The following TOP6BL variants were observed in gnomAD, a reference collection of about 807,000 sequenced individuals.
The protein encoded by TOP6BL is type 2 DNA topoisomerase 6 subunit B-like.
chr11:66,833,018 C>T, the TOP6BL span, among the ~76,000 whole-genome samples: 2 of 150,542 alleles, frequency 1.3e-5, no homozygotes, highest in Non-Finnish European at 3.0e-5. Flanking sequence ...TTGCTTTCTC[C>T]CTGTCTCTCA....
the TOP6BL span, among the ~76,000 whole-genome samples, chr11:66,819,680 TC>T: frequency 6.6e-6 from 1 of 151,934 alleles, no homozygotes; most frequent in Non-Finnish European, 1.5e-5. Flanking sequence ...GGCGGGCGGA[TC>T]ACACTGAGGT....
At chr11:66,773,631 G>A in the TOP6BL span, among the ~76,000 whole-genome samples, 3 of 151,914 alleles carry the variant, frequency 2.0e-5, no homozygotes, top group Non-Finnish European at 2.9e-5. Context: ...TCTTTTGCTC[G>A]TTTGGGGTCT....
the TOP6BL span, among the ~76,000 whole-genome samples, chr11:66,784,518 G>A: frequency 6.6e-6 from 1 of 152,288 alleles, no homozygotes; most frequent in African/African-American, 2.4e-5. Context: ...AAAAGAAACC[G>A]TGTACTCATT....
At chr11:66,757,341 A>AAAAAT in the TOP6BL span, among the ~76,000 whole-genome samples, 1 of 152,094 alleles carries the variant, frequency 6.6e-6, no homozygotes, top group Non-Finnish European at 1.5e-5. Flanking sequence ...TGTCTCAGTG[A>AAAAAT]AAAATAAAAT....
the TOP6BL span, among the ~76,000 whole-genome samples, chr11:66,752,819 A>G: frequency 6.6e-6 from 1 of 152,148 alleles, no homozygotes; most frequent in African/African-American, 2.4e-5. Context: ...GGTAGGTGCT[A>G]TAACAAACCC....
At chr11:66,776,081 CAG>C in the TOP6BL span, among the ~76,000 whole-genome samples, 1 of 150,670 alleles carries the variant, frequency 6.6e-6, no homozygotes, top group Admixed American at 6.6e-5. Flanking sequence ...TTTTTTGAGA[CAG>C]AGTCTCACTC....
the TOP6BL span, among the ~76,000 whole-genome samples, chr11:66,838,758 TCTCAC>T: frequency 6.6e-6 from 1 of 151,624 alleles, no homozygotes; most frequent in East Asian, 1.9e-4. Flanking sequence ...TGAGACAGAG[TCTCAC>T]CTCTGTCGCC....
At chr11:66,773,424 G>A in the TOP6BL span, among the ~76,000 whole-genome samples, 67 of 151,872 alleles carry the variant, frequency 4.4e-4, no homozygotes, top group Non-Finnish European at 2.2e-4. Flanking sequence ...TAAGTTATTG[G>A]GTTATTGACA....
At chr11:66,796,243 G>A in the TOP6BL span, 8 of 1,409,726 alleles carry the variant, frequency 5.7e-6, no homozygotes, top group African/African-American at 7.0e-5. Flanking sequence ...TCTTGAGATT[G>A]TGTATGTGTG....
chr11:66,774,956 T>C, the TOP6BL span, among the ~76,000 whole-genome samples: 1 of 151,390 alleles, frequency 6.6e-6, no homozygotes, highest in Non-Finnish European at 1.5e-5. Context: ...CTACTCAAAA[T>C]GCAAAAATTA....
the TOP6BL span, among the ~76,000 whole-genome samples, chr11:66,813,174 T>A: frequency 1.3e-5 from 2 of 152,230 alleles, no homozygotes; most frequent in Non-Finnish European, 2.9e-5. Context: ...GGCTTTTATG[T>A]CTGTCTCCCA....
chr11:66,799,949 C>A, the TOP6BL span, among the ~76,000 whole-genome samples: 1 of 151,850 alleles, frequency 6.6e-6, no homozygotes, highest in South Asian at 2.1e-4. Flanking sequence ...GGTGTAGTGG[C>A]ACATGCCTGT....
chr11:66,838,448 A>G, the TOP6BL span: 1 of 1,613,406 alleles, frequency 6.2e-7, no homozygotes, highest in Non-Finnish European at 8.5e-7. Flanking sequence ...CCTAGCAGGT[A>G]AGGTTTTAGC....
the TOP6BL span, among the ~76,000 whole-genome samples, chr11:66,750,206 G>C: frequency 6.6e-6 from 1 of 151,492 alleles, no homozygotes; most frequent in Non-Finnish European, 1.5e-5. Context: ...CATTTTTTTT[G>C]TAAAAAAATG....
the TOP6BL span, among the ~76,000 whole-genome samples, chr11:66,802,964 AATTC>A: frequency 1.3e-5 from 2 of 152,222 alleles, no homozygotes; most frequent in Admixed American, 6.5e-5. Context: ...TCTATTAATT[AATTC>A]ATTCATTCTT....
At chr11:66,816,640 C>T in the TOP6BL span, among the ~76,000 whole-genome samples, 2 of 152,294 alleles carry the variant, frequency 1.3e-5, no homozygotes, top group Admixed American at 1.3e-4. Context: ...TAGCTCAATG[C>T]AACATCAAAC....
chr11:66,746,161 C>G, the TOP6BL span, among the ~76,000 whole-genome samples: 1 of 152,300 alleles, frequency 6.6e-6, no homozygotes, highest in East Asian at 1.9e-4. Flanking sequence ...AGACTCTACA[C>G]GTACCTGGAA....
chr11:66,816,708 C>G, the TOP6BL span, among the ~76,000 whole-genome samples: 1 of 152,198 alleles, frequency 6.6e-6, no homozygotes, highest in Non-Finnish European at 1.5e-5. Context: ...CCTACAGATG[C>G]ATGCCAGTGC....
the TOP6BL span, among the ~76,000 whole-genome samples, chr11:66,781,154 C>T: frequency 6.6e-6 from 1 of 151,934 alleles, no homozygotes. Context: ...TCATTTTATT[C>T]TCCTATCCTC....
Sources: gnomAD v4.1 joint callset for allele counts (sites outside exome capture counted in the v4.1 genomes callset) on GRCh38, gnomAD v4.1.1 for gene constraint, MANE v1.5 for transcripts, NCBI Gene and HGNC (gene_info 2026-07-23, HGNC 2026-07-21) for gene names.